PDCL2: variants seen among roughly 807,000 people sequenced by gnomAD.
PDCL2 encodes the protein phosducin-like protein 2.
PDCL2 carries 23 observed loss-of-function variants against 30.3 expected under a neutral mutation model. The ratio of observed to expected loss-of-function variants is 0.76; its 90% CI spans 0.55 to 1.08. The LOEUF (loss-of-function observed/expected upper bound fraction) is 1.08, where lower values mean the gene tolerates loss of function less well. Among genes scored for constraint, PDCL2 ranks in the 50% least tolerant of loss-of-function variants. PDCL2 has a pLI of 0.00. For synonymous variants in PDCL2, 68 were observed against 86.2 expected, an observed-to-expected ratio of 0.79 and a Z score of 1.17; for missense variants, 243 against 282.3, an observed-to-expected ratio of 0.86 and a Z score of 1.00.
chr4:55,583,400 T>TG (rs1181248049), intron 1 of PDCL2, among the ~76,000 whole-genome samples: 6 of 152,250 alleles, frequency 3.9e-5, no homozygotes, highest in Non-Finnish European at 8.8e-5. Context: ...TCCTTTGCTG[T>TG]GCAGAAGCTT....
chr4:55,589,612 C>T lies in PDCL2; in HGVS notation c.6+2492G>A, dbSNP rs538018736. ...CTCCGGTTCACCCTCCTATTCATCT[C>T]CCATCCTTTGATGGACCAAACCCTT... On this transcript the variant is annotated intron_variant, in intron 1 of 5. Coordinates refer to ENST00000295645, the MANE Select transcript of PDCL2 (RefSeq NM_152401.3). Among the ~76,000 whole-genome samples the T allele has an allele frequency of 1.2e-3, 188 of 152,332 alleles. 1 individual carries two copies. Among genetic ancestry groups the T allele is most frequent in the African/African-American group, 4.3e-3 (180 of 41,580 alleles).
chr4:55,558,652 C>A (rs1732047413), intron 5 of PDCL2, among the ~76,000 whole-genome samples: 1 of 152,148 alleles, frequency 6.6e-6, no homozygotes, highest in African/African-American at 2.4e-5. Context: ...AAAAATGAAA[C>A]TTTAAAACTC....
chr4:55,568,700 A>G (rs1732332085), intron 4 of PDCL2, among the ~76,000 whole-genome samples: 1 of 152,174 alleles, frequency 6.6e-6, no homozygotes, highest in Non-Finnish European at 1.5e-5. Flanking sequence ...AGACAACTGA[A>G]AAGAAACAGA....
chr4:55,591,504 A>C (rs1732999364), intron 1 of PDCL2, among the ~76,000 whole-genome samples: 1 of 152,184 alleles, frequency 6.6e-6, no homozygotes. Flanking sequence ...CTCCTGCTTC[A>C]GCCTCCCAGG....
intron 4 of PDCL2, among the ~76,000 whole-genome samples, chr4:55,567,177 G>A (rs1732289533): frequency 6.6e-6 from 1 of 152,100 alleles, no homozygotes; most frequent in Non-Finnish European, 1.5e-5. Context: ...GTGATTTCAG[G>A]AAATAACTTT....
intron 3 of PDCL2, among the ~76,000 whole-genome samples, chr4:55,577,126 C>T (rs1373092335): frequency 6.6e-6 from 1 of 152,182 alleles, no homozygotes; most frequent in African/African-American, 2.4e-5. Context: ...GAACTCCTGA[C>T]TCAGGTGATC....
At chr4:55,560,194 G>C (rs995128760) in intron 5 of PDCL2, among the ~76,000 whole-genome samples, 19 of 145,464 alleles carry the variant, frequency 1.3e-4, no homozygotes, top group Middle Eastern at 3.4e-3. Flanking sequence ...AAAAAAGGGG[G>C]GGGGGACGAG....
chr4:55,559,034 T>G (rs1225916597), intron 5 of PDCL2, among the ~76,000 whole-genome samples: 1 of 152,082 alleles, frequency 6.6e-6, no homozygotes, highest in Non-Finnish European at 1.5e-5. Flanking sequence ...ATCCATAACC[T>G]CACTTGTAAT....
At chr4:55,591,428 C>T (rs1412922408) in intron 1 of PDCL2, among the ~76,000 whole-genome samples, 2 of 152,110 alleles carry the variant, frequency 1.3e-5, no homozygotes, top group Admixed American at 6.5e-5. Flanking sequence ...CTCACTCTGC[C>T]GCCAGGCTGG....
chr4:55,582,168 A>T lies in PDCL2; in HGVS notation c.76T>A (p.Ser26Thr), dbSNP rs762301872. ...ACCATTTCTTCAATTTCATCTTTTG[A>T]CTCTTCTTTAGGAGGAAGAATGCCG... ...DFGILPPKEE[S>T]KDEIEEMVLR... is the part of the protein sequence containing the mutation. The change falls in exon 2 of 6, where the codon TCA (serine) becomes ACA (threonine). Residue 26 changes from serine (S) to threonine (T), a missense_variant. By Grantham distance (58) the Ser-to-Thr change is moderately conservative. Coordinates refer to ENST00000295645, the MANE Select transcript of PDCL2 (RefSeq NM_152401.3). 6.2e-7 allele frequency: 1 copy of T among 1,612,724 alleles called. No homozygotes were observed. The highest frequency in any genetic ancestry group is 1.7e-5 in the Admixed American group (1 of 59,866).
chr4:55,572,979 C>G (rs1732467233), intron 3 of PDCL2, among the ~76,000 whole-genome samples: 1 of 152,082 alleles, frequency 6.6e-6, no homozygotes, highest in Non-Finnish European at 1.5e-5. Flanking sequence ...AGGATGGTCT[C>G]GATCTCCTGA....
intron 4 of PDCL2, among the ~76,000 whole-genome samples, chr4:55,564,214 G>A (rs9684708): frequency 0.31 from 47,501 of 152,082 alleles, 7,694 homozygotes; most frequent in Middle Eastern, 0.41. Context: ...TCAGTCAGTG[G>A]TACAACAGAT....
intron 1 of PDCL2, among the ~76,000 whole-genome samples, chr4:55,587,900 A>AT (rs1732903673): frequency 6.7e-6 from 1 of 150,332 alleles, no homozygotes; most frequent in South Asian, 2.1e-4. Flanking sequence ...ACGCAAAAAA[A>AT]TGTTTTAAAT....
At chr4:55,566,140 C>T (rs966534895) in intron 4 of PDCL2, among the ~76,000 whole-genome samples, 7 of 151,804 alleles carry the variant, frequency 4.6e-5, no homozygotes, top group South Asian at 2.1e-4. Context: ...TCACCATGCC[C>T]GGCTAATTTT....
chr4:55,577,504 A>G (rs1732602149), intron 3 of PDCL2, among the ~76,000 whole-genome samples: 2 of 152,188 alleles, frequency 1.3e-5, no homozygotes, highest in African/African-American at 2.4e-5. Context: ...TTCTAATCAC[A>G]TGGTTGGTTC....
chr4:55,582,101 A>G lies in PDCL2; in HGVS notation c.127+16T>C. ...TATTATTCCCATCATCCAGCCCACC[A>G]AATCTACGACCATACCCATTGCTTC... is the stretch of plus-strand genomic sequence containing the variant. On this transcript the variant is annotated intron_variant, in intron 2 of 5. Coordinates refer to ENST00000295645, the MANE Select transcript of PDCL2 (RefSeq NM_152401.3). The G allele has an allele frequency of 1.2e-6, 2 of 1,611,874 alleles. No individual in the cohort carries two copies. Among genetic ancestry groups the G allele is most frequent in the East Asian group, 4.5e-5 (2 of 44,844 alleles).
At chr4:55,591,131 T>C (rs1288442598) in intron 1 of PDCL2, among the ~76,000 whole-genome samples, 1 of 152,148 alleles carries the variant, frequency 6.6e-6, no homozygotes, top group Non-Finnish European at 1.5e-5. Context: ...CCATAAAAAA[T>C]TATATGTAAC....
At chr4:55,570,559 G>A (rs909047311) in intron 3 of PDCL2, among the ~76,000 whole-genome samples, 1 of 152,062 alleles carries the variant, frequency 6.6e-6, no homozygotes, top group African/African-American at 2.4e-5. Context: ...AACTGTACAT[G>A]GGAATAATAC....
At position 55,567,491 on chromosome 4, in the gene PDCL2, T is replaced by C. The variant is rs536880863; in HGVS notation, c.362+2227A>G. On this transcript the variant is annotated intron_variant, in intron 4 of 5. Coordinates refer to ENST00000295645, the MANE Select transcript of PDCL2 (RefSeq NM_152401.3). ...CATTCAAAGCTGCATTGAGCTACAATTGTCACTGTACTCCAGCTTGGGAAA... is the reference window on the plus strand; with the variant it reads ...CATTCAAAGCTGCATTGAGCTACAACTGTCACTGTACTCCAGCTTGGGAAA... 5.3e-5 allele frequency among the ~76,000 whole-genome samples: 8 copies of C among 152,258 alleles called. No individual in the cohort carries two copies. The South Asian group carries it at 1.5e-3, about 28-fold the overall frequency.
Sources: allele counts gnomAD v4.1 joint callset (sites outside exome capture counted in the v4.1 genomes callset), GRCh38; gene constraint gnomAD v4.1.1; transcripts MANE v1.5; gene names NCBI Gene and HGNC (gene_info 2026-07-23, HGNC 2026-07-21).